RAPGEF5: variants seen among roughly 807,000 people sequenced by gnomAD.
The protein encoded by RAPGEF5 is M-Ras-regulated GEF.
In RAPGEF5, 65 loss-of-function variants were observed where a neutral mutation model predicts 125.2. That is an observed-to-expected ratio of 0.52 (90% CI 0.43 to 0.64). RAPGEF5 has a LOEUF of 0.64. Among genes scored for constraint, RAPGEF5 ranks in the 30% least tolerant of loss-of-function variants. The pLI, the probability that RAPGEF5 is intolerant of heterozygous loss-of-function variation, is 0.00. For synonymous variants in RAPGEF5, 391 were observed against 385.9 expected (o/e 1.01, Z -0.16); for missense variants, 958 against 1,048.1 (o/e 0.91, Z 1.19).
intron 7 of RAPGEF5, among the ~76,000 whole-genome samples, chr7:22,239,059 T>G (rs1786258483): frequency 6.6e-6 from 1 of 152,140 alleles, no homozygotes; most frequent in Admixed American, 6.5e-5. Flanking sequence ...AGGAATCTGA[T>G]GTTTAAAGAA....
intron 18 of RAPGEF5, among the ~76,000 whole-genome samples, chr7:22,148,750 C>T (rs564871505): frequency 2.0e-5 from 3 of 152,196 alleles, no homozygotes; most frequent in East Asian, 3.9e-4. Flanking sequence ...TAGATTGAGC[C>T]GTGGGGATGC....
chr7:22,273,872 A>G (rs1045928443), intron 6 of RAPGEF5, among the ~76,000 whole-genome samples: 1 of 152,246 alleles, frequency 6.6e-6, no homozygotes, highest in Admixed American at 6.5e-5. Flanking sequence ...AAAGATCAAC[A>G]TCTGGATTGC....
chr7:22,158,752 A>G (rs1783892321), intron 14 of RAPGEF5, among the ~76,000 whole-genome samples: 1 of 152,010 alleles, frequency 6.6e-6, no homozygotes, highest in Non-Finnish European at 1.5e-5. Flanking sequence ...CAGCCTCCCA[A>G]GTAGCTGGAA....
chr7:22,194,164 G>C, intron 9 of RAPGEF5, 131 bp from the exon 10 acceptor site: 1 of 793,964 alleles, frequency 1.3e-6, no homozygotes, highest in Admixed American at 2.7e-5. Flanking sequence ...TTCAAAGATT[G>C]AGAATAAATT....
intron 6 of RAPGEF5, among the ~76,000 whole-genome samples, chr7:22,287,173 T>C (rs972043119): frequency 2.0e-5 from 3 of 152,210 alleles, no homozygotes; most frequent in African/African-American, 7.2e-5. Context: ...TAGGTTTCTG[T>C]ATGTCTGACA....
chr7:22,251,534 A>G (rs1354112336), intron 7 of RAPGEF5, among the ~76,000 whole-genome samples: 1 of 152,160 alleles, frequency 6.6e-6, no homozygotes, highest in African/African-American at 2.4e-5. Flanking sequence ...CCCAGTCAAC[A>G]GTGTATTAAG....
intron 9 of RAPGEF5, among the ~76,000 whole-genome samples, chr7:22,214,436 G>A (rs1242431618): frequency 6.6e-6 from 1 of 152,162 alleles, no homozygotes; most frequent in Non-Finnish European, 1.5e-5. Context: ...AGGAAGTCAG[G>A]TTAGGAGCTA....
At chr7:22,276,991 A>C (rs1342154370) in intron 6 of RAPGEF5, among the ~76,000 whole-genome samples, 1 of 152,198 alleles carries the variant, frequency 6.6e-6, no homozygotes, top group Non-Finnish European at 1.5e-5. Context: ...CCTAAATTAT[A>C]AACTCTTTCA....
chr7:22,125,627 C>T lies in RAPGEF5; in HGVS notation c.2513G>A (p.Arg838Lys). Residue 838 changes from arginine to lysine, a missense_variant, in exon 25 of 26, where the codon AGA (arginine) becomes AAA (lysine). By Grantham distance (26) the Arg-to-Lys change is conservative (BLOSUM62 2). Transcript: ENST00000665637. ...HMIADTVRTL[R>K]HCRTNQFGDL... is the part of the protein sequence containing the mutation. ...ACCAAACTGGTTAGTCCTGCAGTGTCTCAGGGTTCGGACAGTGTCTGCGAT... is the reference window on the plus strand; with the variant it reads ...ACCAAACTGGTTAGTCCTGCAGTGTTTCAGGGTTCGGACAGTGTCTGCGAT... The T allele has an allele frequency of 6.2e-7, 1 of 1,612,464 alleles. No homozygotes were observed. Among genetic ancestry groups the T allele is most frequent in the Non-Finnish European group, 8.5e-7 (1 of 1,178,566 alleles).
intron 6 of RAPGEF5, among the ~76,000 whole-genome samples, chr7:22,271,225 C>T (rs191825847): frequency 7.9e-5 from 12 of 152,280 alleles, no homozygotes; most frequent in Admixed American, 2.6e-4. Flanking sequence ...ATCAGAATCT[C>T]GGGATTGAAC....
At chr7:22,239,375 G>A (rs1387099245) in intron 7 of RAPGEF5, among the ~76,000 whole-genome samples, 1 of 152,116 alleles carries the variant, frequency 6.6e-6, no homozygotes, top group Non-Finnish European at 1.5e-5. Context: ...TTTGAATAAA[G>A]GTGTGCTGTA....
At chr7:22,162,836 C>T (rs1420304876) in intron 12 of RAPGEF5, 1 of 487,272 alleles carries the variant, frequency 2.1e-6, no homozygotes, top group Non-Finnish European at 4.0e-6. Context: ...CAAGGAGATA[C>T]TAGGTGGTCC....
chr7:22,255,476 C>T (rs959254321), intron 7 of RAPGEF5, among the ~76,000 whole-genome samples: 2 of 151,838 alleles, frequency 1.3e-5, no homozygotes, highest in African/African-American at 2.4e-5. Context: ...GACTGTAGTC[C>T]CAGTGACTTG....
intron 1 of RAPGEF5, among the ~76,000 whole-genome samples, chr7:22,353,035 T>C (rs1487349385): frequency 3.3e-5 from 5 of 152,360 alleles, no homozygotes; most frequent in African/African-American, 4.8e-5. Flanking sequence ...TGTGATGCAA[T>C]AGATTTTACA....
intron 22 of RAPGEF5, 28 bp downstream of exon 22, chr7:22,136,905 A>G (rs376426765): frequency 4.6e-6 from 7 of 1,528,732 alleles, no homozygotes; most frequent in South Asian, 1.2e-5. Context: ...ATTTTGAAGA[A>G]TAAGTCCCCT....
intron 11 of RAPGEF5, among the ~76,000 whole-genome samples, chr7:22,183,662 G>T (rs1784743929): frequency 6.6e-6 from 1 of 152,092 alleles, no homozygotes; most frequent in South Asian, 2.1e-4. Context: ...AGGAAAACCG[G>T]GGTTCAGGGG....
chr7:22,155,328 C>G (rs929655524), intron 16 of RAPGEF5, among the ~76,000 whole-genome samples: 4 of 152,170 alleles, frequency 2.6e-5, no homozygotes, highest in Non-Finnish European at 4.4e-5. Flanking sequence ...AAAATGTTTT[C>G]TTTATGATAT....
intron 3 of RAPGEF5, among the ~76,000 whole-genome samples, chr7:22,312,153 C>G (rs182596686): frequency 5.9e-5 from 9 of 152,022 alleles, no homozygotes; most frequent in Admixed American, 5.9e-4. Context: ...CCTGGGTGAT[C>G]TTCTTAAAGT....
At chr7:22,343,993 A>G (rs1201138741) in intron 1 of RAPGEF5, among the ~76,000 whole-genome samples, 1 of 152,040 alleles carries the variant, frequency 6.6e-6, no homozygotes, top group Admixed American at 6.6e-5. Context: ...CCGATTCCAA[A>G]CCCTAGCCAC....
Sources: gnomAD v4.1 joint callset for allele counts (sites outside exome capture counted in the v4.1 genomes callset) on GRCh38, gnomAD v4.1.1 for gene constraint, MANE v1.5 for transcripts, NCBI Gene and HGNC (gene_info 2026-07-23, HGNC 2026-07-21) for gene names.